The following ORC3 variants were observed in gnomAD, a reference collection of about 807,000 sequenced individuals.
ORC3 encodes origin recognition complex subunit 3, also known as homolog of latheo, Drosophila.
A neutral mutation model predicts 100.7 loss-of-function variants in ORC3; 78 were observed. The observed-to-expected ratio is 0.77, with a 90% CI of 0.65 to 0.94. ORC3 has a LOEUF of 0.94. Ranked by LOEUF, ORC3 falls within the 40% of genes least tolerant of loss-of-function variation. The probability of loss-of-function intolerance (pLI) is 0.00; values close to 1 mark genes in which losing one functional copy is unlikely to be tolerated. For synonymous variants in ORC3, 295 were observed against 289.3 expected, an observed-to-expected ratio of 1.02 and a Z score of -0.20; for missense variants, 789 against 823.9, an observed-to-expected ratio of 0.96 and a Z score of 0.52.
downstream of ORC3, among the ~76,000 whole-genome samples, chr6:87,671,232 C>T (rs189326696): frequency 7.9e-5 from 12 of 152,166 alleles, no homozygotes; most frequent in Admixed American, 5.2e-4. Flanking sequence ...AAACAAAGAC[C>T]GGTTAGGAAA....
At chr6:87,676,596 A>AACACACACACAC in the ORC3 span, among the ~76,000 whole-genome samples, 178 of 142,140 alleles carry the variant, frequency 1.3e-3, 1 homozygote, top group African/African-American at 4.2e-3. Flanking sequence ...CTCTACTAAA[A>AACACACACACAC]ACACACACAC....
At chr6:87,610,578 G>A (rs1229645281) in intron 7 of ORC3, among the ~76,000 whole-genome samples, 1 of 131,750 alleles carries the variant, frequency 7.6e-6, no homozygotes, top group Non-Finnish European at 1.6e-5. Context: ...ACGGAGTCTC[G>A]CTCTGTCGCC....
chr6:87,603,669 G>T, intron 4 of ORC3, 141 bp downstream of exon 4: 3 of 445,914 alleles, frequency 6.7e-6, no homozygotes, highest in South Asian at 7.6e-5. Context: ...ACCAACTATA[G>T]TTTATATTAC....
At chr6:87,652,060 G>A (rs1232190315) in intron 13 of ORC3, among the ~76,000 whole-genome samples, 2 of 151,764 alleles carry the variant, frequency 1.3e-5, no homozygotes, top group Non-Finnish European at 2.9e-5. Flanking sequence ...CACTACACCC[G>A]GCTAATTTTT....
intron 12 of ORC3, 74 bp from the exon 13 acceptor site, chr6:87,636,333 C>T (rs764132843): frequency 1.8e-5 from 15 of 819,398 alleles, no homozygotes; most frequent in Non-Finnish European, 3.1e-5. Flanking sequence ...TTTGTGTTGA[C>T]CAGAAATGAT....
chr6:87,615,117 G>A (rs753949274), intron 8 of ORC3, among the ~76,000 whole-genome samples: 3 of 152,160 alleles, frequency 2.0e-5, no homozygotes, highest in Non-Finnish European at 2.9e-5. Context: ...ATGGTGGAAG[G>A]CAAGGAGGAA....
intron 13 of ORC3, among the ~76,000 whole-genome samples, chr6:87,639,944 C>T (rs776815646): frequency 6.6e-6 from 1 of 151,928 alleles, no homozygotes; most frequent in Admixed American, 6.6e-5. Context: ...TTGCCCTGAG[C>T]TGAGATCGCA....
At chr6:87,675,442 C>A in the ORC3 span, 1 of 1,025,532 alleles carries the variant, frequency 9.8e-7, no homozygotes, top group Non-Finnish European at 1.5e-6. Context: ...ATTTCCAAAA[C>A]CAGTTGCTGC....
chr6:87,655,219 G>C (rs1406644008), intron 14 of ORC3, among the ~76,000 whole-genome samples: 1 of 152,084 alleles, frequency 6.6e-6, no homozygotes, highest in Admixed American at 6.6e-5. Flanking sequence ...GGATCTTGCT[G>C]TGTTGTCCAG....
intron 13 of ORC3, among the ~76,000 whole-genome samples, chr6:87,639,628 G>A (rs552434497): frequency 6.6e-6 from 1 of 152,200 alleles, no homozygotes; most frequent in Middle Eastern, 3.4e-3. Flanking sequence ...GGCCCTGTTG[G>A]AGGTTGATGT....
intron 7 of ORC3, 191 bp downstream of exon 7, chr6:87,609,420 CA>C: frequency 2.1e-6 from 1 of 471,684 alleles, no homozygotes; most frequent in East Asian, 3.5e-5. Context: ...GAATGAGAAT[CA>C]AAGGCACATT....
chr6:87,592,297 A>G (rs1777088890), intron 1 of ORC3, among the ~76,000 whole-genome samples: 1 of 152,222 alleles, frequency 6.6e-6, no homozygotes, highest in Non-Finnish European at 1.5e-5. Context: ...CTAAATATGT[A>G]TGTGATTTCG....
At chr6:87,621,319 A>G (rs1779513744) in intron 9 of ORC3, 35 bp from the exon 10 acceptor site, 1 of 1,446,130 alleles carries the variant, frequency 6.9e-7, no homozygotes, top group East Asian at 2.6e-5. Context: ...CTGCCAAAAT[A>G]TAACAAATAT....
rs182928116 is a variant in ORC3, at chr6:87,598,964, G to A, written c.80-2820G>A. The stretch of plus-strand genomic sequence containing the variant: ...GACTGCATATCCAGCAAAACAACTG[G>A]ATAGGAACTGGAGAGAGAGAGACTG... On this transcript the variant is annotated intron_variant, in intron 2 of 19. Coordinates refer to ENST00000392844, the MANE Select transcript of ORC3 (RefSeq NM_012381.4). Among the ~76,000 whole-genome samples, 16 of 152,314 alleles carry A rather than the reference G, an allele frequency of 1.1e-4. No homozygotes were observed. In the East Asian group the frequency reaches 1.9e-3, roughly 18 times the overall value.
chr6:87,657,868 G>T lies in ORC3; in HGVS notation c.1594-53G>T, dbSNP rs1769842071. On this transcript the variant is annotated intron_variant, in intron 15 of 19. Transcript: ENST00000392844. ...AGAACTTACCAACAGAGCTCCCTCTGAGGGGTTTTCTGTCTGAGGATCACC... is the reference window on the plus strand; with the variant it reads ...AGAACTTACCAACAGAGCTCCCTCTTAGGGGTTTTCTGTCTGAGGATCACC... The T allele has an allele frequency of 3.2e-6, 3 of 947,534 alleles. No individual in the cohort carries two copies. In the South Asian group the frequency reaches 4.0e-5, roughly 13 times the overall value. 58.7% of individuals were successfully genotyped at this position (947,534 alleles called of 1,614,324 possible). A position where few individuals can be genotyped will look rare whatever the true frequency, so the allele number is the denominator to read the frequency against.
At chr6:87,639,670 G>A (rs1384754812) in intron 13 of ORC3, among the ~76,000 whole-genome samples, 1 of 151,904 alleles carries the variant, frequency 6.6e-6, no homozygotes, top group Admixed American at 6.6e-5. Flanking sequence ...TTGTGTTTGT[G>A]TTCTGTGATA....
chr6:87,626,774 A>AT (rs1779928503), intron 11 of ORC3, among the ~76,000 whole-genome samples: 1 of 138,904 alleles, frequency 7.2e-6, no homozygotes, highest in South Asian at 2.4e-4. Context: ...GCAACACAGC[A>AT]TGACTCTGTC....
intron 4 of ORC3, among the ~76,000 whole-genome samples, chr6:87,605,649 C>CAA (rs936455645): frequency 8.7e-6 from 1 of 115,278 alleles, no homozygotes. Flanking sequence ...GATTCTGTCT[C>CAA]AAAAAAAAAA....
Position 87,643,307 on chromosome 6 carries a change from G to A in ORC3, c.1382+6821G>A, listed in dbSNP as rs891028019. Among the ~76,000 whole-genome samples the A allele has an allele frequency of 5.9e-4, 89 of 152,076 alleles. 1 individual carries two copies. The highest frequency in any genetic ancestry group is 8.8e-5 in the Non-Finnish European group (6 of 67,992). The stretch of plus-strand genomic sequence containing the variant: ...GAGCTTCTGTTGGGAACGCTGGTAT[G>A]GTGTTTCAGCAGGAATTTGCATTTA... On this transcript the variant is annotated intron_variant, in intron 13 of 19. Coordinates refer to ENST00000392844, the MANE Select transcript of ORC3 (RefSeq NM_012381.4).
Sources: gnomAD v4.1 joint callset for allele counts (sites outside exome capture counted in the v4.1 genomes callset) on GRCh38, gnomAD v4.1.1 for gene constraint, MANE v1.5 for transcripts, NCBI Gene and HGNC (gene_info 2026-07-23, HGNC 2026-07-21) for gene names.